AP3M1: variants seen among roughly 807,000 people sequenced by gnomAD.
The protein encoded by AP3M1 is adaptor related protein complex 3 subunit mu 1, also known as AP-3 complex subunit mu-1.
A neutral mutation model predicts 42.6 loss-of-function variants in AP3M1; 29 were observed. The observed-to-expected ratio is 0.68, with a 90% CI of 0.51 to 0.93. AP3M1 has a LOEUF of 0.93. AP3M1 is among the 40% of genes least tolerant of loss of function. The probability of loss-of-function intolerance (pLI) is 0.00; values close to 1 mark genes in which losing one functional copy is unlikely to be tolerated. For missense variants in AP3M1, 416 were observed against 510.2 expected (o/e 0.82, Z 1.78); for synonymous variants, 178 against 175.3 (o/e 1.02, Z -0.12).
intron 1 of AP3M1, among the ~76,000 whole-genome samples, chr10:74,144,281 T>C (rs1841261176): frequency 6.6e-6 from 1 of 151,950 alleles, no homozygotes; most frequent in Non-Finnish European, 1.5e-5. Context: ...TATTTTTTTT[T>C]TGAGATAGGG....
At position 74,121,917 on chromosome 10, in the gene AP3M1, C is replaced by T. The variant is rs1234820091; in HGVS notation, c.*1893G>A. On this transcript the variant is annotated 3_prime_UTR_variant, in exon 9 of 9. Coordinates refer to ENST00000355264, the MANE Select transcript of AP3M1 (RefSeq NM_012095.6). Reference sequence around the variant, plus strand: ...ATTGCTAGAGGGAAGGAGCTCCTGGCGTACATTCTACTTGGATAGAAGAGA... The same window carrying T: ...ATTGCTAGAGGGAAGGAGCTCCTGGTGTACATTCTACTTGGATAGAAGAGA... The T allele has an allele frequency of 2.6e-5, 4 of 152,132 alleles. No homozygotes were observed. The highest frequency in any genetic ancestry group is 2.0e-4 in the Admixed American group (3 of 15,282). 9.4% of individuals were successfully genotyped at this position (152,132 alleles called of 1,614,324 possible).
chr10:74,124,968 T>A (rs1840571970), intron 7 of AP3M1, among the ~76,000 whole-genome samples: 1 of 152,136 alleles, frequency 6.6e-6, no homozygotes, highest in Non-Finnish European at 1.5e-5. Flanking sequence ...TTCACTTTTC[T>A]CTGGGCCTGT....
intron 8 of AP3M1, 70 bp from the exon 9 acceptor site, chr10:74,123,980 T>A: frequency 7.5e-7 from 1 of 1,330,014 alleles, no homozygotes; most frequent in Non-Finnish European, 1.1e-6. Context: ...CAATGAGCGC[T>A]ATATGGTAAA....
At chr10:74,134,942 T>C (rs1840896887) in intron 3 of AP3M1, among the ~76,000 whole-genome samples, 1 of 152,174 alleles carries the variant, frequency 6.6e-6, no homozygotes, top group South Asian at 2.1e-4. Flanking sequence ...ATATTAACAT[T>C]TTGGTATATT....
chr10:74,131,256 C>T (rs1367789004), intron 4 of AP3M1, among the ~76,000 whole-genome samples: 2 of 151,786 alleles, frequency 1.3e-5, no homozygotes, highest in Admixed American at 6.6e-5. Flanking sequence ...CAAGCTCTGT[C>T]TCCCGGGTTC....
chr10:74,137,134 GGAGGCT>G (rs1327938186), intron 2 of AP3M1, among the ~76,000 whole-genome samples: 1 of 152,140 alleles, frequency 6.6e-6, no homozygotes, highest in East Asian at 1.9e-4. Context: ...CAGCTACTTG[GGAGGCT>G]GAGGCGGGAG....
At chr10:74,130,302 C>G (rs956284001) in intron 4 of AP3M1, among the ~76,000 whole-genome samples, 3 of 152,156 alleles carry the variant, frequency 2.0e-5, no homozygotes, top group Non-Finnish European at 4.4e-5. Flanking sequence ...CTTTACATCT[C>G]TATTAACAGG....
At chr10:74,144,053 C>G in intron 1 of AP3M1, among the ~76,000 whole-genome samples, 1 of 152,162 alleles carries the variant, frequency 6.6e-6, no homozygotes. Context: ...GCTCCGCCTC[C>G]CAGGTTCACA....
chr10:74,129,548 T>C (rs1840713289), intron 5 of AP3M1, among the ~76,000 whole-genome samples: 1 of 152,226 alleles, frequency 6.6e-6, no homozygotes, highest in Non-Finnish European at 1.5e-5. Context: ...CAGAAGTCAG[T>C]TCTCTTAATT....
chr10:74,148,915 C>T (rs1295681614), intron 1 of AP3M1, among the ~76,000 whole-genome samples: 1 of 151,616 alleles, frequency 6.6e-6, no homozygotes, highest in African/African-American at 2.4e-5. Context: ...ACTCTATTGC[C>T]AGGCTGGAGT....
At position 74,145,294 on chromosome 10, in the gene AP3M1, T is replaced by G. The variant is rs536815643; in HGVS notation, c.-4+5461A>C. Reference sequence around the variant, plus strand: ...CCAGGAAAGTTTCCACCGAAGTTGTTTTTATTGGCAGTAGTTCAGGTCTCA... The same window carrying G: ...CCAGGAAAGTTTCCACCGAAGTTGTGTTTATTGGCAGTAGTTCAGGTCTCA... On this transcript the variant is annotated intron_variant, in intron 1 of 8. Coordinates refer to ENST00000355264, the MANE Select transcript of AP3M1 (RefSeq NM_012095.6). Among the ~76,000 whole-genome samples the G allele has an allele frequency of 2.0e-5, 3 of 152,308 alleles. No homozygotes were observed. In the East Asian group the frequency reaches 5.8e-4, roughly 29 times the overall value.
chr10:74,124,156 T>C (rs1319379521), intron 8 of AP3M1, among the ~76,000 whole-genome samples: 1 of 152,208 alleles, frequency 6.6e-6, no homozygotes, highest in East Asian at 1.9e-4. Flanking sequence ...ACTCTCTTTT[T>C]GGTGCTTAAA....
chr10:74,123,973 T>C (rs1840544375), intron 8 of AP3M1, 63 bp from the exon 9 acceptor site: 1 of 1,388,550 alleles, frequency 7.2e-7, no homozygotes, highest in African/African-American at 1.4e-5. Flanking sequence ...ATGTTAGCAA[T>C]GAGCGCTATA....
chr10:74,125,321 G>C (rs189877852), intron 7 of AP3M1, among the ~76,000 whole-genome samples: 1 of 152,310 alleles, frequency 6.6e-6, no homozygotes, highest in Admixed American at 6.5e-5. Flanking sequence ...ACTTAAGATG[G>C]TGTTTTTAAA....
rs1030832190 is a variant in AP3M1, at chr10:74,132,741, CAGAT to C, written c.583+1282_583+1285del. 3.3e-3 allele frequency among the ~76,000 whole-genome samples: 493 copies of C among 151,558 alleles called. 4 individuals carry two copies. Among genetic ancestry groups the C allele is most frequent in the African/African-American group, 0.011 (463 of 41,320 alleles). ...AAAAAAAAAGAAAGTGAAAAATAAT[CAGAT>C]AGGGGCTTTTACCAGAAGTACTGCA... On this transcript the variant is annotated intron_variant, in intron 4 of 8. Coordinates refer to ENST00000355264, the MANE Select transcript of AP3M1 (RefSeq NM_012095.6).
At chr10:74,127,084 A>AT (rs548455654) in intron 6 of AP3M1, among the ~76,000 whole-genome samples, 2 of 152,038 alleles carry the variant, frequency 1.3e-5, no homozygotes, top group Non-Finnish European at 2.9e-5. Flanking sequence ...ACAGTGTACT[A>AT]TCACAAGTAA....
chr10:74,128,126 G>GAAAAAAA (rs1564544493), intron 6 of AP3M1, among the ~76,000 whole-genome samples: 3 of 135,684 alleles, frequency 2.2e-5, no homozygotes, highest in African/African-American at 8.8e-5. Flanking sequence ...AAAAAAAAAG[G>GAAAAAAA]AAAAGAAAAG....
At position 74,138,237 on chromosome 10, in the gene AP3M1, A is replaced by G; in HGVS notation, c.143T>C (p.Val48Ala). ...KAADVENVPP[V>A]ISTPHHYLIS... ...GAGGTAGTGGTGAGGTGTTGAAATG[A>G]CAGGTGGTACATTTTCAACATCAGC... Residue 48 changes from valine to alanine, a missense_variant, in exon 2 of 9, where the codon GTC becomes GCC. Physicochemically the swap from Val to Ala is moderately conservative, Grantham distance 64 (BLOSUM62 0). Transcript: ENST00000355264. 1 of 1,614,180 alleles carries G rather than the reference A, an allele frequency of 6.2e-7. No homozygotes were observed. The highest frequency in any genetic ancestry group is 1.3e-5 in the African/African-American group (1 of 75,046).
intron 4 of AP3M1, among the ~76,000 whole-genome samples, chr10:74,130,413 G>A (rs1434150881): frequency 1.3e-5 from 2 of 151,888 alleles, no homozygotes; most frequent in Non-Finnish European, 2.9e-5. Flanking sequence ...CTGGTCCCCA[G>A]AGTAACTGAG....
Sources: gnomAD v4.1 joint callset for allele counts (sites outside exome capture counted in the v4.1 genomes callset) on GRCh38, gnomAD v4.1.1 for gene constraint, MANE v1.5 for transcripts, NCBI Gene and HGNC (gene_info 2026-07-23, HGNC 2026-07-21) for gene names.